COL5A1: variants seen among roughly 807,000 people sequenced by gnomAD.
COL5A1 encodes the protein collagen alpha-1(V) chain.
A neutral mutation model predicts 263.7 loss-of-function variants in COL5A1; 16 were observed. The ratio of observed to expected loss-of-function variants is 0.06; its 90% CI spans 0.04 to 0.09. The LOEUF is 0.09. Ranked by LOEUF, COL5A1 falls within the 10% of genes least tolerant of loss-of-function variation. The pLI is 1.00. For synonymous variants in COL5A1, 1,012 were observed against 1,004.5 expected (o/e 1.01, Z -0.14); for missense variants, 2,036 against 2,540.5 (o/e 0.80, Z 4.27).
chr9:134,753,780 A>G, intron 14 of COL5A1, 70 bp from the exon 15 acceptor site: 1 of 444,796 alleles, frequency 2.2e-6, no homozygotes, highest in Non-Finnish European at 4.1e-6. Context: ...CTCCCCTGCC[A>G]CCCCCAGCCC....
At position 134,804,556 on chromosome 9, in the gene COL5A1, A is replaced by G. The variant is rs1345247754; in HGVS notation, c.3115-419A>G. Among the ~76,000 whole-genome samples the G allele has an allele frequency of 2.6e-5, 4 of 152,230 alleles. No individual in the cohort carries two copies. The East Asian group carries it at 7.7e-4, about 29-fold the overall frequency. The stretch of plus-strand genomic sequence containing the variant: ...TCCCACATGGCCCATCGTAGCCCTT[A>G]AGGGCCTTGGGAGGAAGGACCCCGG... On this transcript the variant is annotated intron_variant, in intron 39 of 65. Transcript: ENST00000371817.
At chr9:134,710,361 T>C (rs1833980171) in intron 4 of COL5A1, among the ~76,000 whole-genome samples, 1 of 152,216 alleles carries the variant, frequency 6.6e-6, no homozygotes, top group South Asian at 2.1e-4. Flanking sequence ...CCCTGTCTCA[T>C]TGAAAGGGGT....
chr9:134,709,850 C>A (rs554683910), intron 4 of COL5A1, among the ~76,000 whole-genome samples: 4 of 152,142 alleles, frequency 2.6e-5, no homozygotes, highest in Admixed American at 2.6e-4. Flanking sequence ...TGGGAAGGGA[C>A]GCATGATGCT....
rs786205100 is a variant in COL5A1, at chr9:134,812,606, G to GC, written c.3752dup (p.Pro1253SerfsTer14). 4 of 1,607,140 alleles carry GC rather than the reference G, an allele frequency of 2.5e-6. No homozygotes were observed. Among genetic ancestry groups the GC allele is most frequent in the Non-Finnish European group, 8.5e-7 (1 of 1,176,146 alleles). On this transcript the variant is annotated frameshift_variant and splice_region_variant, in exon 48 of 66. Transcript: ENST00000371817. LOFTEE classifies it high-confidence loss of function. ...TCAGTGGTCTCTCCCTTTTCCTAGGGCCCCCCGGGTCCCCCTGGCCCCCGA... is the reference window on the plus strand; with the variant it reads ...TCAGTGGTCTCTCCCTTTTCCTAGGGCCCCCCCGGGTCCCCCTGGCCCCCGA...
chr9:134,687,596 T>C (rs1258838757), intron 1 of COL5A1, among the ~76,000 whole-genome samples: 1 of 152,228 alleles, frequency 6.6e-6, no homozygotes, highest in Non-Finnish European at 1.5e-5. Flanking sequence ...GGAGCTGGCC[T>C]TCTGTGCATC....
chr9:134,756,676 C>A, intron 16 of COL5A1, 89 bp from the exon 17 acceptor site: 1 of 1,429,392 alleles, frequency 7.0e-7, no homozygotes, highest in Non-Finnish European at 9.9e-7. Flanking sequence ...TGGTGGAACG[C>A]TCAACTTGGT....
At chr9:134,792,650 C>A (rs1462563493) in intron 32 of COL5A1, among the ~76,000 whole-genome samples, 1 of 152,170 alleles carries the variant, frequency 6.6e-6, no homozygotes, top group Admixed American at 6.5e-5. Flanking sequence ...CAGGCGTGAA[C>A]CACCATGCCC....
rs1836578013 is a variant in COL5A1 at position 134,764,284 on chromosome 9, G to A, written c.2034+547G>A. 3.1e-5 allele frequency among the ~76,000 whole-genome samples: 4 copies of A among 130,426 alleles called. No individual in the cohort carries two copies. In the Admixed American group the frequency reaches 3.1e-4, roughly 10 times the overall value. The allele number at this position is 130,426 out of a possible 152,430, so 85.6% of individuals were successfully genotyped here. A position where few individuals can be genotyped will look rare whatever the true frequency, so the allele number is the denominator to read the frequency against. ...GTCCGAGGGCATTGTGGGGGGTCAAGGGAGAAGCATGGGAGGTCTGAGGTC... is the reference window on the plus strand; with the variant it reads ...GTCCGAGGGCATTGTGGGGGGTCAAAGGAGAAGCATGGGAGGTCTGAGGTC... On this transcript the variant is annotated intron_variant, in intron 20 of 65. Coordinates refer to ENST00000371817, the MANE Select transcript of COL5A1 (RefSeq NM_000093.5).
At chr9:134,655,354 C>T (rs372131301) in intron 1 of COL5A1, among the ~76,000 whole-genome samples, 17 of 152,048 alleles carry the variant, frequency 1.1e-4, no homozygotes, top group East Asian at 5.8e-4. Flanking sequence ...CACAGAGCCC[C>T]GGGAGGCCCC....
chr9:134,755,163 A>G lies in COL5A1; in HGVS notation c.1827+837A>G, dbSNP rs4842152. Among the ~76,000 whole-genome samples the G allele has an allele frequency of 0.28, 42,908 of 152,068 alleles. 6,266 individuals are homozygous for G. The highest frequency in any genetic ancestry group is 0.35 in the East Asian group (1,785 of 5,168). On this transcript the variant is annotated intron_variant, in intron 16 of 65. Coordinates refer to ENST00000371817, the MANE Select transcript of COL5A1 (RefSeq NM_000093.5). The surrounding 1 kb of genome is among the most constrained non-coding windows in gnomAD (Gnocchi z 4.1). ...GGTCTATGCAGGGATCTGGGCATGA[A>G]ACAGAGGCCTGGGCTGGATAATTCC...
chr9:134,812,586 G>A lies in COL5A1; in HGVS notation c.3745-19G>A. 1 of 1,610,396 alleles carries A rather than the reference G, an allele frequency of 6.2e-7. No homozygotes were observed. Among genetic ancestry groups the A allele is most frequent in the Non-Finnish European group, 8.5e-7 (1 of 1,177,344 alleles). ...CATTTGCGTTTCCTCTGGGCTCAGT[G>A]GTCTCTCCCTTTTCCTAGGGCCCCC... On this transcript the variant is annotated intron_variant, in intron 47 of 65. Coordinates refer to ENST00000371817, the MANE Select transcript of COL5A1 (RefSeq NM_000093.5).
chr9:134,822,609 G>C (rs574768920), intron 59 of COL5A1, among the ~76,000 whole-genome samples: 2 of 152,176 alleles, frequency 1.3e-5, no homozygotes, highest in East Asian at 1.9e-4. Flanking sequence ...GGTACACATG[G>C]CCCCCGGGGG....
chr9:134,781,147 C>T lies in COL5A1; in HGVS notation c.2430+1001C>T, dbSNP rs188907865. On this transcript the variant is annotated intron_variant, in intron 28 of 65. Transcript: ENST00000371817. ...CCTTAAAGCCATTCCCGAGGGGACG[C>T]ATTGAGTGGCCACAACTGGATCAGA... is the stretch of plus-strand genomic sequence containing the variant. Among the ~76,000 whole-genome samples the T allele has an allele frequency of 3.8e-4, 58 of 152,358 alleles. 1 individual carries two copies. In the East Asian group the frequency reaches 0.011, roughly 28 times the overall value.
intron 1 of COL5A1, among the ~76,000 whole-genome samples, chr9:134,667,284 C>G (rs1026660048): frequency 6.6e-5 from 10 of 152,240 alleles, no homozygotes; most frequent in Admixed American, 4.6e-4. Flanking sequence ...GCACCTGTCC[C>G]TAGCCTATCT....
At chr9:134,693,959 C>T (rs927255732) in intron 2 of COL5A1, among the ~76,000 whole-genome samples, 7 of 152,174 alleles carry the variant, frequency 4.6e-5, no homozygotes, top group African/African-American at 1.7e-4. Flanking sequence ...GCAGCAGCAT[C>T]TGCGGGATTC....
At chr9:134,756,343 C>G (rs1835971943) in intron 16 of COL5A1, among the ~76,000 whole-genome samples, 1 of 152,204 alleles carries the variant, frequency 6.6e-6, no homozygotes, top group South Asian at 2.1e-4. Flanking sequence ...TCTCTTTCCT[C>G]TGACCTCCAA....
chr9:134,802,858 G>C (rs936117139), intron 38 of COL5A1, 30 bp from the exon 39 acceptor site: 6 of 1,523,252 alleles, frequency 3.9e-6, no homozygotes, highest in Non-Finnish European at 5.4e-6. Context: ...CACTCGAAAC[G>C]TCTGTGGCTG....
At chr9:134,708,424 T>G (rs4841925) in intron 4 of COL5A1, 315,680 of 389,604 alleles carry the variant, frequency 0.81, 127,246 homozygotes, top group Admixed American at 0.88. Context: ...ACTCCCGGGG[T>G]GGGGGCTCTG....
At chr9:134,812,810 A>G in intron 48 of COL5A1, 98 bp downstream of exon 48, 1 of 865,296 alleles carries the variant, frequency 1.2e-6, no homozygotes, top group South Asian at 1.4e-5. Context: ...GTATGTGCGC[A>G]TGCACACGCT....
Sources: allele counts gnomAD v4.1 joint callset (sites outside exome capture counted in the v4.1 genomes callset), GRCh38; gene constraint gnomAD v4.1.1; non-coding constraint Gnocchi (gnomAD v3.1); transcripts MANE v1.5; gene names NCBI Gene and HGNC (gene_info 2026-07-23, HGNC 2026-07-21).